Variants in RRAS2 observed in about 807,000 individuals in gnomAD.
RRAS2 encodes ras-related protein R-Ras2.
In RRAS2, 7 loss-of-function variants were observed where a neutral mutation model predicts 27.6. The observed-to-expected ratio is 0.25, with a 90% confidence interval of 0.14 to 0.48. RRAS2 has a LOEUF of 0.48. Among genes scored for constraint, RRAS2 ranks in the 20% least tolerant of loss-of-function variants. RRAS2 has a pLI of 0.99. For missense variants in RRAS2, 178 were observed against 256.2 expected (o/e 0.69, Z 2.08); for synonymous variants, 86 against 90.9 (o/e 0.95, Z 0.31).
chr11:14,312,939 G>C (rs1275603718), intron 1 of RRAS2, among the ~76,000 whole-genome samples: 1 of 152,198 alleles, frequency 6.6e-6, no homozygotes, highest in Non-Finnish European at 1.5e-5. Context: ...TGGAGGCCGG[G>C]CCAGCACTTC....
intron 2 of RRAS2, 103 bp downstream of exon 2, chr11:14,295,665 T>C (rs560359666): frequency 3.6e-5 from 31 of 856,440 alleles, no homozygotes; most frequent in Non-Finnish European, 5.1e-5. Context: ...ATATTCCAGA[T>C]CATCTAATAT....
intron 1 of RRAS2, among the ~76,000 whole-genome samples, chr11:14,337,565 A>T (rs1432862370): frequency 6.6e-6 from 1 of 152,222 alleles, no homozygotes; most frequent in Non-Finnish European, 1.5e-5. Flanking sequence ...CCGCATTCAG[A>T]TAACTTCTAT....
rs577761859 is a variant in RRAS2, at chr11:14,343,782, C to T, written c.108+14981G>A. Reference sequence around the variant, plus strand: ...CCGGCAGAAGGAGGTAGCAGTGAGCCGAGATCGCGCCAATGCACTCCAGCC... The same window carrying T: ...CCGGCAGAAGGAGGTAGCAGTGAGCTGAGATCGCGCCAATGCACTCCAGCC... On this transcript the variant is annotated intron_variant, in intron 1 of 5. Transcript: ENST00000256196. Among the ~76,000 whole-genome samples, 7 of 151,770 alleles carry T rather than the reference C, an allele frequency of 4.6e-5. No individual in the cohort carries two copies. The East Asian group carries it at 9.7e-4, about 21-fold the overall frequency.
intron 1 of RRAS2, among the ~76,000 whole-genome samples, chr11:14,320,035 G>A (rs1848192358): frequency 6.6e-6 from 1 of 152,202 alleles, no homozygotes; most frequent in Non-Finnish European, 1.5e-5. Context: ...CACCATGAGA[G>A]AGTATAAAGA....
chr11:14,325,497 C>A (rs1848333998), intron 1 of RRAS2, among the ~76,000 whole-genome samples: 1 of 152,084 alleles, frequency 6.6e-6, no homozygotes, highest in South Asian at 2.1e-4. Context: ...GAGGGGGTTT[C>A]ACCTTGTTAG....
At chr11:14,315,361 C>T (rs1279531140) in intron 1 of RRAS2, among the ~76,000 whole-genome samples, 1 of 152,172 alleles carries the variant, frequency 6.6e-6, no homozygotes, top group African/African-American at 2.4e-5. Flanking sequence ...TAACCCTACA[C>T]CTGTCATGAG....
At chr11:14,291,861 A>AT (rs782199151) in intron 4 of RRAS2, among the ~76,000 whole-genome samples, 6 of 152,136 alleles carry the variant, frequency 3.9e-5, no homozygotes, top group Non-Finnish European at 8.8e-5. Flanking sequence ...AGTGTTTGGG[A>AT]TTTTGGAATT....
chr11:14,324,451 C>T (rs1591472624), intron 1 of RRAS2, among the ~76,000 whole-genome samples: 1 of 138,158 alleles, frequency 7.2e-6, no homozygotes, highest in African/African-American at 2.7e-5. Flanking sequence ...AAAAGGAAAA[C>T]GTATATGAGT....
intron 1 of RRAS2, among the ~76,000 whole-genome samples, chr11:14,349,146 TTTTTTA>T (rs1308947608): frequency 4.7e-5 from 7 of 150,524 alleles, no homozygotes; most frequent in Admixed American, 4.6e-4. Flanking sequence ...TTTGTATTCA[TTTTTTA>T]TTTTTATTAT....
chr11:14,329,570 T>C (rs1043297255), intron 1 of RRAS2, among the ~76,000 whole-genome samples: 3 of 152,192 alleles, frequency 2.0e-5, no homozygotes, highest in Admixed American at 6.5e-5. Flanking sequence ...TCCTCAAAAT[T>C]ATATAAGCTG....
rs754107755 is a variant in RRAS2 at position 14,300,438 on chromosome 11, G to A, written c.109-4583C>T. 1.0e-3 allele frequency among the ~76,000 whole-genome samples: 155 copies of A among 152,162 alleles called. 1 individual carries two copies. Among genetic ancestry groups the A allele is most frequent in the Admixed American group, 2.0e-3 (31 of 15,278 alleles). The stretch of plus-strand genomic sequence containing the variant: ...ATAAATTAGCCAGGCATGGTGGCAC[G>A]CGCCTATAGTCCCAGCTACTCAGGA... On this transcript the variant is annotated intron_variant, in intron 1 of 5. Coordinates refer to ENST00000256196, the MANE Select transcript of RRAS2 (RefSeq NM_012250.6).
chr11:14,294,182 C>T (rs1847486644), intron 4 of RRAS2, among the ~76,000 whole-genome samples: 3 of 152,214 alleles, frequency 2.0e-5, no homozygotes, highest in African/African-American at 7.2e-5. Flanking sequence ...GAAATTATTA[C>T]ATGCGAATAA....
intron 1 of RRAS2, among the ~76,000 whole-genome samples, chr11:14,345,345 G>A (rs1186124257): frequency 6.6e-6 from 1 of 152,126 alleles, no homozygotes; most frequent in Non-Finnish European, 1.5e-5. Context: ...TTAGTTCTGT[G>A]TAACAAAGGT....
chr11:14,315,209 T>C (rs1447199872), intron 1 of RRAS2, among the ~76,000 whole-genome samples: 2 of 152,160 alleles, frequency 1.3e-5, no homozygotes, highest in African/African-American at 4.8e-5. Context: ...AACTTCATAG[T>C]AGAGAAACCA....
At chr11:14,338,227 G>C (rs559835800) in intron 1 of RRAS2, among the ~76,000 whole-genome samples, 43 of 152,140 alleles carry the variant, frequency 2.8e-4, no homozygotes, top group African/African-American at 9.9e-4. Context: ...AATCCTATAA[G>C]GTAAGTACTA....
In RRAS2 at chr11:14,285,377, C is replaced by T. The variant is rs533658433; in HGVS notation, c.409-3657G>A. Among the ~76,000 whole-genome samples the T allele has an allele frequency of 1.2e-4, 19 of 152,148 alleles. No homozygotes were observed. In the South Asian group the frequency reaches 3.9e-3, roughly 32 times the overall value. On this transcript the variant is annotated intron_variant, in intron 4 of 5. Coordinates refer to ENST00000256196, the MANE Select transcript of RRAS2 (RefSeq NM_012250.6). ...CAGTCTGGGTAACACAGTGAGAACC[C>T]GTCTCTCAAGAAAAAAACAAACTAG... is the stretch of plus-strand genomic sequence containing the variant.
At chr11:14,310,979 T>C (rs1168412720) in intron 1 of RRAS2, among the ~76,000 whole-genome samples, 1 of 152,214 alleles carries the variant, frequency 6.6e-6, no homozygotes, top group Admixed American at 6.5e-5. Context: ...AGTGTGTGCA[T>C]ACACACTGCT....
chr11:14,278,958 G>C lies in RRAS2; in HGVS notation c.*379C>G, dbSNP rs1849445537. ...AAAAAACCCTATATTTCTATTTAGA[G>C]TAACAGTAGGCAGTATGATTCCAAA... On this transcript the variant is annotated 3_prime_UTR_variant, in exon 6 of 6. Transcript: ENST00000256196. 1.2e-5 allele frequency: 2 copies of C among 165,324 alleles called. No individual in the cohort carries two copies. The highest frequency in any genetic ancestry group is 4.8e-5 in the African/African-American group (2 of 41,618). 10.2% of individuals were successfully genotyped at this position (165,324 alleles called of 1,614,324 possible).
intron 1 of RRAS2, among the ~76,000 whole-genome samples, chr11:14,328,552 T>C (rs1445568597): frequency 6.6e-6 from 1 of 151,944 alleles, no homozygotes; most frequent in African/African-American, 2.4e-5. Context: ...TATAAATCAA[T>C]GTAAAAGCTT....
Sources: allele counts gnomAD v4.1 joint callset (sites outside exome capture counted in the v4.1 genomes callset), GRCh38; gene constraint gnomAD v4.1.1; transcripts MANE v1.5; gene names NCBI Gene and HGNC (gene_info 2026-07-23, HGNC 2026-07-21).